Variants in PDZD2 observed in about 807,000 individuals in gnomAD.
The protein encoded by PDZD2 is PDZ domain-containing protein 2.
A neutral mutation model predicts 220.7 loss-of-function variants in PDZD2; 90 were observed. That is an observed-to-expected ratio of 0.41 (90% CI 0.34 to 0.49). The LOEUF (loss-of-function observed/expected upper bound fraction) is 0.49. Among genes scored for constraint, PDZD2 ranks in the 20% least tolerant of loss-of-function variants. The pLI is 0.28. For synonymous variants in PDZD2, 1,375 were observed against 1,450.5 expected, an observed-to-expected ratio of 0.95 and a Z score of 1.18; for missense variants, 3,174 against 3,608.5, an observed-to-expected ratio of 0.88 and a Z score of 3.08.
At chr5:32,103,993 C>T (rs1031748890) in intron 24 of PDZD2, 6 of 152,250 alleles carry the variant, frequency 3.9e-5, no homozygotes, top group African/African-American at 1.4e-4. Context: ...GTCAGTCCCA[C>T]AGACTAGCGC....
chr5:32,013,322 CTTTT>C (rs11428109), intron 6 of PDZD2, among the ~76,000 whole-genome samples: 1 of 135,822 alleles, frequency 7.4e-6, no homozygotes, highest in Non-Finnish European at 1.6e-5. Context: ...TCTGTGTTAT[CTTTT>C]TTTTTTTTTT....
At chr5:31,847,348 TAAA>T (rs1757639648) in intron 2 of PDZD2, 1 of 407,338 alleles carries the variant, frequency 2.5e-6, no homozygotes, top group Non-Finnish European at 4.6e-6. Context: ...GACAAGAGGG[TAAA>T]ACCGATTACT....
intron 1 of PDZD2, among the ~76,000 whole-genome samples, chr5:31,685,167 AC>A (rs1453110523): frequency 6.6e-6 from 1 of 150,674 alleles, no homozygotes; most frequent in Non-Finnish European, 1.5e-5. Context: ...TACCCGCTTG[AC>A]CCCCTTCTCT....
chr5:32,065,018 G>A (rs1740090632), intron 14 of PDZD2, among the ~76,000 whole-genome samples: 1 of 151,342 alleles, frequency 6.6e-6, no homozygotes, highest in Non-Finnish European at 1.5e-5. Context: ...ATTACCTCTT[G>A]GCCGGGTGCA....
At chr5:31,901,424 A>AAG (rs1742087936) in intron 2 of PDZD2, among the ~76,000 whole-genome samples, 1 of 151,898 alleles carries the variant, frequency 6.6e-6, no homozygotes, top group Non-Finnish European at 1.5e-5. Flanking sequence ...TCAAAAAAAA[A>AAG]AAAAAAGAAG....
At chr5:31,674,305 A>T (rs1201824384) in intron 1 of PDZD2, among the ~76,000 whole-genome samples, 1 of 152,192 alleles carries the variant, frequency 6.6e-6, no homozygotes, top group African/African-American at 2.4e-5. Context: ...GAGAGTGACT[A>T]ATGAGTAAGC....
At chr5:31,904,755 T>C (rs573225873) in intron 2 of PDZD2, among the ~76,000 whole-genome samples, 10 of 152,236 alleles carry the variant, frequency 6.6e-5, no homozygotes, top group African/African-American at 2.4e-4. Context: ...CAATATGTCT[T>C]TTTTAAAAAT....
chr5:31,842,722 T>C (rs1188229070), intron 2 of PDZD2, among the ~76,000 whole-genome samples: 4 of 152,176 alleles, frequency 2.6e-5, no homozygotes, highest in Admixed American at 2.0e-4. Context: ...ATACTAACAA[T>C]GTGACAGGAG....
At chr5:31,877,786 TTC>T (rs1739443147) in intron 2 of PDZD2, among the ~76,000 whole-genome samples, 1 of 152,052 alleles carries the variant, frequency 6.6e-6, no homozygotes, top group Non-Finnish European at 1.5e-5. Context: ...CCCTCCCGGG[TTC>T]AAGTGATTAT....
In PDZD2 at chr5:32,089,272, G is replaced by A; in HGVS notation, c.5824G>A (p.Asp1942Asn). The A allele has an allele frequency of 6.2e-7, 1 of 1,614,130 alleles. No homozygotes were observed. The highest frequency in any genetic ancestry group is 1.1e-5 in the South Asian group (1 of 91,070). ...GCGGCTCCATGTAGCCGACCACGAG[G>A]ACCCTGACAGAAACACCACAGCTGC... is the stretch of plus-strand genomic sequence containing the variant. The part of the protein sequence containing the change: ...SQRLHVADHE[D>N]PDRNTTAAPR... Residue 1942 changes from aspartate (D) to asparagine (N), a missense_variant, in exon 20 of 25, where the codon GAC becomes AAC. Asp to Asn is a conservative substitution (Grantham distance 23, BLOSUM62 1). Coordinates refer to ENST00000438447, the MANE Select transcript of PDZD2 (RefSeq NM_178140.4).
At chr5:31,985,191 C>T (rs992949030) in intron 3 of PDZD2, among the ~76,000 whole-genome samples, 1 of 151,772 alleles carries the variant, frequency 6.6e-6, no homozygotes, top group Admixed American at 6.6e-5. Flanking sequence ...TGTTTCTTAT[C>T]AGTGCATACC....
At chr5:31,729,007 C>T (rs1198554603) in intron 1 of PDZD2, among the ~76,000 whole-genome samples, 3 of 151,908 alleles carry the variant, frequency 2.0e-5, no homozygotes, top group African/African-American at 7.3e-5. Context: ...GGCTGAGCCA[C>T]CGCGCCCGGC....
At chr5:31,886,721 G>A (rs748250987) in intron 2 of PDZD2, among the ~76,000 whole-genome samples, 11 of 149,156 alleles carry the variant, frequency 7.4e-5, no homozygotes, top group East Asian at 3.9e-4. Flanking sequence ...TTTTTGAGAC[G>A]GAGTCTTGCT....
rs185488135 is a variant in PDZD2 at position 32,063,885 on chromosome 5, T to C, written c.2451+2751T>C. 1.6e-3 allele frequency among the ~76,000 whole-genome samples: 245 copies of C among 152,354 alleles called. 1 individual carries two copies. The highest frequency in any genetic ancestry group is 7.2e-3 in the South Asian group (35 of 4,830). On this transcript the variant is annotated intron_variant, in intron 14 of 24. Coordinates refer to ENST00000438447, the MANE Select transcript of PDZD2 (RefSeq NM_178140.4). ...TAAGCATTTTGTTAGAGTGTGAGGATGTTACTGTTGTTAGACTGATGAAAG... is the reference window on the plus strand; with the variant it reads ...TAAGCATTTTGTTAGAGTGTGAGGACGTTACTGTTGTTAGACTGATGAAAG...
Position 31,876,297 on chromosome 5 carries a change from C to CT in PDZD2, c.476+76587dup, listed in dbSNP as rs56153944. Among the ~76,000 whole-genome samples the CT allele has an allele frequency of 1.2e-3, 174 of 141,472 alleles. 1 individual carries two copies. In the East Asian group the frequency reaches 0.014, roughly 12 times the overall value. The allele number at this position is 141,472 out of a possible 152,430, so 92.8% of individuals were successfully genotyped here. On this transcript the variant is annotated intron_variant, in intron 2 of 24. Transcript: ENST00000438447. The stretch of plus-strand genomic sequence containing the variant: ...TGATTTTTGAATTTGAATTTTTTTT[C>CT]TTTTTTTTTTTTTTAAAGACAGTCT...
chr5:31,727,936 G>GAGCTTGCAGTGAGCCAA (rs1354552706), intron 1 of PDZD2, among the ~76,000 whole-genome samples: 3 of 147,974 alleles, frequency 2.0e-5, no homozygotes. Context: ...CCAGGAGGCA[G>GAGCTTGCAGTGAGCCAA]AGCTTGCAGT....
At chr5:32,045,369 T>C (rs1737823566) in intron 7 of PDZD2, among the ~76,000 whole-genome samples, 1 of 152,136 alleles carries the variant, frequency 6.6e-6, no homozygotes, top group African/African-American at 2.4e-5. Context: ...GAGTTTCCTT[T>C]TAATTTTGGT....
rs115985660 is a variant in PDZD2, at chr5:31,769,213, G to A, written c.-360-29676G>A. Reference sequence around the variant, plus strand: ...TAGGTCCGTACTGACCAGATAGCCCGAAGGTGGCATGAAGCTGAACAAACC... The same window carrying A: ...TAGGTCCGTACTGACCAGATAGCCCAAAGGTGGCATGAAGCTGAACAAACC... On this transcript the variant is annotated intron_variant, in intron 1 of 24. Transcript: ENST00000438447. 9.5e-4 allele frequency among the ~76,000 whole-genome samples: 144 copies of A among 152,116 alleles called. 1 individual carries two copies. Among genetic ancestry groups the A allele is most frequent in the African/African-American group, 3.1e-3 (130 of 41,484 alleles).
At chr5:31,703,422 A>G (rs561739938) in intron 1 of PDZD2, among the ~76,000 whole-genome samples, 25 of 152,264 alleles carry the variant, frequency 1.6e-4, no homozygotes, top group Non-Finnish European at 2.6e-4. Context: ...TGGGAGTTAA[A>G]CAATGAGAAC....
Sources: allele counts gnomAD v4.1 joint callset (sites outside exome capture counted in the v4.1 genomes callset), GRCh38; gene constraint gnomAD v4.1.1; transcripts MANE v1.5; gene names NCBI Gene and HGNC (gene_info 2026-07-23, HGNC 2026-07-21).